The following NCKAP5 variants were observed in gnomAD, a reference collection of about 807,000 sequenced individuals.
NCKAP5 encodes nck-associated protein 5.
A neutral mutation model predicts 167.0 loss-of-function variants in NCKAP5; 92 were observed. The ratio of observed to expected loss-of-function variants is 0.55; its 90% CI spans 0.47 to 0.66. NCKAP5 has a LOEUF of 0.66. Ranked by LOEUF, NCKAP5 falls within the 30% of genes least tolerant of loss-of-function variation. The probability of loss-of-function intolerance (pLI) is 0.00; values close to 1 mark genes in which losing one functional copy is unlikely to be tolerated. For synonymous variants in NCKAP5, 891 were observed against 877.4 expected (o/e 1.02, Z -0.27); for missense variants, 2,378 against 2,315.0 (o/e 1.03, Z -0.56).
chr2:133,106,882 C>T (rs552705186), intron 6 of NCKAP5, among the ~76,000 whole-genome samples: 1 of 152,262 alleles, frequency 6.6e-6, no homozygotes, highest in East Asian at 1.9e-4. Flanking sequence ...CCTTATTTAT[C>T]AGGCAGAATC....
At chr2:132,935,592 C>T (rs747612798) in intron 8 of NCKAP5, among the ~76,000 whole-genome samples, 11 of 151,880 alleles carry the variant, frequency 7.2e-5, no homozygotes, top group African/African-American at 1.7e-4. Flanking sequence ...TCTATCACAC[C>T]GGATGAGAGG....
chr2:133,217,091 A>G (rs1159915743), intron 4 of NCKAP5, among the ~76,000 whole-genome samples: 1 of 152,170 alleles, frequency 6.6e-6, no homozygotes, highest in East Asian at 1.9e-4. Context: ...GCACCTATTG[A>G]GAAGCTTTGG....
At chr2:133,202,565 C>A (rs1050228672) in intron 5 of NCKAP5, among the ~76,000 whole-genome samples, 10 of 152,088 alleles carry the variant, frequency 6.6e-5, no homozygotes, top group African/African-American at 2.4e-4. Context: ...AGAGCTTCTG[C>A]ACAGCAAAGG....
the NCKAP5 span, among the ~76,000 whole-genome samples, chr2:133,576,671 G>T: frequency 6.6e-6 from 1 of 152,168 alleles, no homozygotes; most frequent in Non-Finnish European, 1.5e-5. Flanking sequence ...AAGCATAGGC[G>T]CTGTTTGTCT....
chr2:133,054,457 A>C (rs1369470554), intron 6 of NCKAP5, among the ~76,000 whole-genome samples: 3 of 152,202 alleles, frequency 2.0e-5, no homozygotes. Flanking sequence ...GGGCCCTGTT[A>C]GCACTGCAAC....
intron 4 of NCKAP5, among the ~76,000 whole-genome samples, chr2:133,237,399 A>T (rs924999974): frequency 6.6e-6 from 1 of 152,256 alleles, no homozygotes; most frequent in Non-Finnish European, 1.5e-5. Context: ...AGAATAAGTG[A>T]CATTAAAAAA....
chr2:133,219,219 G>C (rs1004369388), intron 4 of NCKAP5, among the ~76,000 whole-genome samples: 1 of 152,186 alleles, frequency 6.6e-6, no homozygotes, highest in African/African-American at 2.4e-5. Flanking sequence ...AGTAGTGTAG[G>C]CCACAGGGGA....
intron 6 of NCKAP5, among the ~76,000 whole-genome samples, chr2:133,035,179 T>G (rs1209771701): frequency 6.6e-6 from 1 of 152,014 alleles, no homozygotes; most frequent in Non-Finnish European, 1.5e-5. Flanking sequence ...AGTCACTGTA[T>G]ATGATAAAGG....
intron 11 of NCKAP5, among the ~76,000 whole-genome samples, chr2:132,817,884 A>G (rs1686399964): frequency 6.6e-6 from 1 of 152,212 alleles, no homozygotes; most frequent in Admixed American, 6.5e-5. Context: ...AATGGTCGGG[A>G]ATGACATCAA....
intron 3 of NCKAP5, among the ~76,000 whole-genome samples, chr2:133,400,874 G>T (rs757441081): frequency 1.3e-5 from 2 of 152,100 alleles, no homozygotes; most frequent in Non-Finnish European, 2.9e-5. Context: ...CCTGCTCCCT[G>T]GCACAGAGCT....
intron 3 of NCKAP5, among the ~76,000 whole-genome samples, chr2:133,347,531 C>T (rs757095165): frequency 3.2e-4 from 49 of 151,656 alleles, no homozygotes; most frequent in Admixed American, 1.2e-3. Context: ...CTAGCCTGGG[C>T]AACAGGAGTG....
At position 132,862,924 on chromosome 2, in the gene NCKAP5, C is replaced by T. The variant is rs866401223; in HGVS notation, c.688-2313G>A. 7.9e-5 allele frequency among the ~76,000 whole-genome samples: 12 copies of T among 152,204 alleles called. 1 individual carries two copies. The highest frequency in any genetic ancestry group is 6.2e-4 in the South Asian group (3 of 4,826). On this transcript the variant is annotated intron_variant, in intron 10 of 19. Transcript: ENST00000409261. ...GCAACCTCCACCTCCCGGGTTCAGG[C>T]GATTCTTCTACCTCAGCCTCCTGAG...
intron 3 of NCKAP5, among the ~76,000 whole-genome samples, chr2:133,375,001 A>G (rs1339039157): frequency 6.6e-6 from 1 of 152,188 alleles, no homozygotes; most frequent in African/African-American, 2.4e-5. Context: ...CCAAGTTCAC[A>G]AACTCAGTCA....
intron 1 of NCKAP5, among the ~76,000 whole-genome samples, chr2:133,563,352 C>T (rs990988459): frequency 1.5e-4 from 23 of 152,030 alleles, no homozygotes; most frequent in African/African-American, 2.2e-4. Flanking sequence ...GGGCAGATCA[C>T]GAGGTCAGGC....
At chr2:133,168,968 G>A (rs2084121883) in intron 5 of NCKAP5, among the ~76,000 whole-genome samples, 1 of 152,130 alleles carries the variant, frequency 6.6e-6, no homozygotes, top group South Asian at 2.1e-4. Context: ...CCCTCTTGCT[G>A]GACAGCCCTG....
chr2:132,878,964 G>T, intron 8 of NCKAP5, 48 bp from the exon 9 acceptor site: 4 of 1,440,566 alleles, frequency 2.8e-6, no homozygotes, highest in Non-Finnish European at 3.9e-6. Flanking sequence ...GAAATGTTGT[G>T]TTATGTGACA....
At chr2:133,231,392 T>C (rs1303980707) in intron 4 of NCKAP5, among the ~76,000 whole-genome samples, 1 of 152,250 alleles carries the variant, frequency 6.6e-6, no homozygotes. Flanking sequence ...TCTTACTGGG[T>C]TTTAATCTGG....
chr2:132,846,593 C>G (rs545557079), intron 11 of NCKAP5, among the ~76,000 whole-genome samples: 149 of 152,298 alleles, frequency 9.8e-4, no homozygotes, highest in African/African-American at 3.5e-3. Context: ...GTGTGACTCA[C>G]TATGCCTGGC....
chr2:132,980,971 G>A (rs1175567589), intron 7 of NCKAP5, among the ~76,000 whole-genome samples: 1 of 152,192 alleles, frequency 6.6e-6, no homozygotes, highest in Non-Finnish European at 1.5e-5. Context: ...TATAGCAGAA[G>A]CTTATTAATA....
Sources: allele counts gnomAD v4.1 joint callset (sites outside exome capture counted in the v4.1 genomes callset), GRCh38; gene constraint gnomAD v4.1.1; transcripts MANE v1.5; gene names NCBI Gene and HGNC (gene_info 2026-07-23, HGNC 2026-07-21).